The following LDLRAD2 variants were observed in gnomAD, a reference collection of about 807,000 sequenced individuals.
LDLRAD2 encodes low density lipoprotein receptor class A domain containing 2.
Under a neutral mutation model 24.9 loss-of-function variants are expected in LDLRAD2, and 25 were observed. That is an observed-to-expected ratio of 1.00 (90% CI 0.73 to 1.40). The LOEUF (loss-of-function observed/expected upper bound fraction) is 1.40, where lower values mean the gene tolerates loss of function less well. Among genes scored for constraint, LDLRAD2 ranks in the 40% most tolerant of loss-of-function variants. The probability of loss-of-function intolerance (pLI) is 0.00; values close to 1 mark genes in which losing one functional copy is unlikely to be tolerated. For missense variants in LDLRAD2, 391 were observed against 366.2 expected (o/e 1.07, Z -0.55); for synonymous variants, 182 against 166.7 (o/e 1.09, Z -0.71).
At chr1:21,815,706 TG>T (rs1255030123) in intron 2 of LDLRAD2, among the ~76,000 whole-genome samples, 1 of 152,162 alleles carries the variant, frequency 6.6e-6, no homozygotes, top group East Asian at 1.9e-4. Context: ...GAGGCCTCAA[TG>T]GGCCAGGATG....
chr1:21,816,217 A>T, intron 3 of LDLRAD2, 143 bp downstream of exon 3: 1 of 1,084,708 alleles, frequency 9.2e-7, no homozygotes, highest in African/African-American at 1.6e-5. Context: ...CAAGGGCTGG[A>T]GGGGCAGAGC....
Position 21,823,304 on chromosome 1 carries a change from G to A in LDLRAD2, c.*1089G>A. On this transcript the variant is annotated 3_prime_UTR_variant, in exon 5 of 5. Transcript: ENST00000344642. ...GGCGTGGCCCGGGAGTCCGTGTGGG[G>A]CAGGCAGGTGCCTACGAGGGGCAGG... 6.6e-7 allele frequency: 1 copy of A among 1,519,960 alleles called. No individual in the cohort carries two copies. 94.2% of individuals were successfully genotyped at this position (1,519,960 alleles called of 1,614,324 possible).
chr1:21,812,658 C>T, intron 1 of LDLRAD2, 122 bp downstream of exon 1: 1 of 777,460 alleles, frequency 1.3e-6, no homozygotes, highest in Admixed American at 2.4e-5. Context: ...CTGGGGGAGG[C>T]TGGGAAACTG....
In LDLRAD2 at chr1:21,824,455, C is replaced by A; in HGVS notation, c.*2240C>A. ...CCGAGGCCAGGGGGCTCTGCTTTCCCCTCCCCCCACCACTCCGGCCACCAG... is the reference window on the plus strand; with the variant it reads ...CCGAGGCCAGGGGGCTCTGCTTTCCACTCCCCCCACCACTCCGGCCACCAG... On this transcript the variant is annotated 3_prime_UTR_variant, in exon 5 of 5. Transcript: ENST00000344642. The surrounding 1 kb of genome is among the most constrained non-coding windows in gnomAD (Gnocchi z 5.9). The A allele has an allele frequency of 6.2e-7, 1 of 1,601,086 alleles. No homozygotes were observed.
At chr1:21,815,633 A>T (rs554695907) in intron 2 of LDLRAD2, among the ~76,000 whole-genome samples, 15 of 152,280 alleles carry the variant, frequency 9.9e-5, no homozygotes, top group Admixed American at 6.5e-4. Context: ...AAAATAATTT[A>T]AAAAATATAA....
At chr1:21,819,048 CTT>C (rs1162083102) in intron 3 of LDLRAD2, among the ~76,000 whole-genome samples, 5 of 151,766 alleles carry the variant, frequency 3.3e-5, no homozygotes, top group South Asian at 2.1e-4. Flanking sequence ...TGGTGGGTCT[CTT>C]TAAGTTCTTC....
Position 21,824,444 on chromosome 1 carries a change from C to T in LDLRAD2, c.*2229C>T, listed in dbSNP as rs538815311. 3 of 1,601,304 alleles carry T rather than the reference C, an allele frequency of 1.9e-6. No homozygotes were observed. The South Asian group carries it at 3.3e-5, about 18-fold the overall frequency. Reference sequence around the variant, plus strand: ...AGCAGAGGCTGCCGAGGCCAGGGGGCTCTGCTTTCCCCTCCCCCCACCACT... The same window carrying T: ...AGCAGAGGCTGCCGAGGCCAGGGGGTTCTGCTTTCCCCTCCCCCCACCACT... On this transcript the variant is annotated 3_prime_UTR_variant, in exon 5 of 5. Transcript: ENST00000344642. The surrounding 1 kb of genome is among the most constrained non-coding windows in gnomAD (Gnocchi z 5.9).
intron 3 of LDLRAD2, 145 bp downstream of exon 3, chr1:21,816,219 G>A (rs1462244568): frequency 9.6e-7 from 1 of 1,042,916 alleles, no homozygotes; most frequent in Non-Finnish European, 1.4e-6. Context: ...AGGGCTGGAG[G>A]GGCAGAGCAG....
intron 3 of LDLRAD2, among the ~76,000 whole-genome samples, chr1:21,817,945 C>T (rs1485693133): frequency 3.3e-5 from 5 of 152,098 alleles, no homozygotes; most frequent in African/African-American, 4.8e-5. Flanking sequence ...GGCGTGATCT[C>T]GGCTCACTGC....
chr1:21,817,319 T>C (rs1314524128), intron 3 of LDLRAD2, among the ~76,000 whole-genome samples: 1 of 152,166 alleles, frequency 6.6e-6, no homozygotes, highest in Non-Finnish European at 1.5e-5. Context: ...GCCTTCTTTT[T>C]CTTTTTCTTT....
intron 3 of LDLRAD2, among the ~76,000 whole-genome samples, chr1:21,818,780 G>A (rs2097946934): frequency 6.6e-6 from 1 of 152,052 alleles, no homozygotes; most frequent in Non-Finnish European, 1.5e-5. Context: ...ATCACATTCA[G>A]CAAAGGCAAA....
At position 21,816,091 on chromosome 1, in the gene LDLRAD2, G is replaced by T; in HGVS notation, c.643+17G>T. ...ACTGCAGAGGTCAGTGCGGGGTGTGGACTGGGCCCTACTGAACAGCTGGAG... is the reference window on the plus strand; with the variant it reads ...ACTGCAGAGGTCAGTGCGGGGTGTGTACTGGGCCCTACTGAACAGCTGGAG... On this transcript the variant is annotated intron_variant, in intron 3 of 4. Coordinates refer to ENST00000344642, the MANE Select transcript of LDLRAD2 (RefSeq NM_001013693.3). 1 of 1,611,068 alleles carries T rather than the reference G, an allele frequency of 6.2e-7. No homozygotes were observed. The highest frequency in any genetic ancestry group is 1.1e-5 in the South Asian group (1 of 91,006).
chr1:21,814,651 G>A lies in LDLRAD2; in HGVS notation c.339G>A (p.Leu113=). 1 of 1,599,982 alleles carries A rather than the reference G, an allele frequency of 6.3e-7. No homozygotes were observed. The highest frequency in any genetic ancestry group is 2.3e-5 in the East Asian group (1 of 44,112). Residue 113 remains leucine (L), a synonymous_variant, in exon 2 of 5, where the codon CTG becomes CTA. Transcript: ENST00000344642. ...ACCCGTGCGCCCCCGGCTCCTACCT[G>A]CAGTTCTACGAGGGCCCGCCGGGGG... ...PADPCAPGSY[L]QFYEGPPGAP... is the part of the protein sequence containing the mutation.
rs373283548 is a variant in LDLRAD2 at position 21,814,608 on chromosome 1, C to T, written c.296C>T (p.Ser99Phe). The T allele has an allele frequency of 3.4e-5, 55 of 1,610,294 alleles. No homozygotes were observed. In the African/African-American group the frequency reaches 6.7e-4, roughly 20 times the overall value. ...CCCGCGCCCCCGGCGCTCAACACCT[C>T]CTCCCCGGCCCCGGCCGACCCGTGC... The part of the protein sequence containing the change: ...LTPAPPALNT[S>F]SPAPADPCAP... Residue 99 changes from serine (S) to phenylalanine (F), a missense_variant, in exon 2 of 5, where the codon TCC (serine) becomes TTC (phenylalanine). By Grantham distance (155) the Ser-to-Phe change is radical. Coordinates refer to ENST00000344642, the MANE Select transcript of LDLRAD2 (RefSeq NM_001013693.3).
chr1:21,820,886 T>C (rs929704940), intron 3 of LDLRAD2, among the ~76,000 whole-genome samples: 6 of 152,090 alleles, frequency 3.9e-5, no homozygotes, highest in Non-Finnish European at 8.8e-5. Flanking sequence ...CAGCACAGAG[T>C]GTGGTGCTTG....
Position 21,814,426 on chromosome 1 carries a change from G to C in LDLRAD2, c.114G>C (p.Thr38=). ...TADLAELCGQ[T]WQGDGLLLRS... The stretch of plus-strand genomic sequence containing the variant: ...ACCTGGCGGAACTGTGCGGGCAGAC[G>C]TGGCAGGGGGACGGGCTGCTGCTGC... Residue 38 remains threonine, a synonymous_variant, in exon 2 of 5, where the codon ACG becomes ACC. Transcript: ENST00000344642. 6.2e-7 allele frequency: 1 copy of C among 1,607,744 alleles called. No individual in the cohort carries two copies. The highest frequency in any genetic ancestry group is 8.5e-7 in the Non-Finnish European group (1 of 1,177,182).
At chr1:21,817,818 C>T (rs1162755432) in intron 3 of LDLRAD2, among the ~76,000 whole-genome samples, 1 of 152,004 alleles carries the variant, frequency 6.6e-6, no homozygotes, top group Non-Finnish European at 1.5e-5. Context: ...ACCTCATGTC[C>T]TTTTTCTGTC....
At position 21,814,821 on chromosome 1, in the gene LDLRAD2, T is replaced by A; in HGVS notation, c.509T>A (p.Leu170Gln). The change falls in exon 2 of 5, where the codon CTG (leucine) becomes CAG (glutamine). Residue 170 changes from leucine to glutamine, a missense_variant and splice_region_variant. By Grantham distance (113) the Leu-to-Gln change is moderately radical. Transcript: ENST00000344642. ...DFVGEVTSFR[L>Q]GPCGAYFRCQ... ...GTGGGCGAAGTCACCTCTTTCCGTCTGGGTGAGCTGGGGCTGAAGGCCGGG... is the reference window on the plus strand; with the variant it reads ...GTGGGCGAAGTCACCTCTTTCCGTCAGGGTGAGCTGGGGCTGAAGGCCGGG... 6.8e-7 allele frequency: 1 copy of A among 1,472,476 alleles called. No homozygotes were observed. The highest frequency in any genetic ancestry group is 8.9e-7 in the Non-Finnish European group (1 of 1,120,478). The allele number at this position is 1,472,476 out of a possible 1,614,324, so 91.2% of individuals were successfully genotyped here.
Position 21,824,470 on chromosome 1 carries a change from C to A in LDLRAD2, c.*2255C>A. 1 of 1,605,030 alleles carries A rather than the reference C, an allele frequency of 6.2e-7. No individual in the cohort carries two copies. Among genetic ancestry groups the A allele is most frequent in the Non-Finnish European group, 8.5e-7 (1 of 1,174,148 alleles). ...TCTGCTTTCCCCTCCCCCCACCACT[C>A]CGGCCACCAGGAAGCCAGCTTCCTG... On this transcript the variant is annotated 3_prime_UTR_variant, in exon 5 of 5. Transcript: ENST00000344642. The surrounding 1 kb of genome is among the most constrained non-coding windows in gnomAD (Gnocchi z 5.9).
Sources: allele counts gnomAD v4.1 joint callset (sites outside exome capture counted in the v4.1 genomes callset), GRCh38; gene constraint gnomAD v4.1.1; non-coding constraint Gnocchi (gnomAD v3.1); transcripts MANE v1.5; gene names NCBI Gene and HGNC (gene_info 2026-07-23, HGNC 2026-07-21).